The following KLHL12 variants were observed in gnomAD, a reference collection of about 807,000 sequenced individuals.
KLHL12 encodes the protein kelch like family member 12.
KLHL12 carries 17 observed loss-of-function variants against 60.8 expected under a neutral mutation model. The ratio of observed to expected loss-of-function variants is 0.28; its 90% CI spans 0.19 to 0.42. The LOEUF (loss-of-function observed/expected upper bound fraction) is 0.42, where lower values mean the gene tolerates loss of function less well. KLHL12 is among the 10% of genes least tolerant of loss of function. The pLI, the probability that KLHL12 is intolerant of heterozygous loss-of-function variation, is 1.00. For missense variants in KLHL12, 468 were observed against 722.3 expected, an observed-to-expected ratio of 0.65 and a Z score of 4.04; for synonymous variants, 220 against 250.9, an observed-to-expected ratio of 0.88 and a Z score of 1.16.
intron 4 of KLHL12, among the ~76,000 whole-genome samples, chr1:202,913,320 C>T (rs982199522): frequency 2.0e-5 from 3 of 152,158 alleles, no homozygotes; most frequent in African/African-American, 7.2e-5. Flanking sequence ...GCCCCTTCTA[C>T]CAGCCCCTAC....
At position 202,892,587 on chromosome 1, in the gene KLHL12, T is replaced by C. The variant is rs748386137; in HGVS notation, c.1653A>G (p.Thr551=). 6 of 1,614,098 alleles carry C rather than the reference T, an allele frequency of 3.7e-6. No homozygotes were observed. The highest frequency in any genetic ancestry group is 1.7e-6 in the Non-Finnish European group (2 of 1,179,992). The change falls in exon 12 of 12, where the codon ACA becomes ACG. Residue 551 remains threonine (T), a synonymous_variant. Coordinates refer to ENST00000367261, the MANE Select transcript of KLHL12 (RefSeq NM_021633.4). ...DPIIDSWEVV[T]SMGTQRCDAG... is the part of the protein sequence containing the mutation. ...CATCACAGCGCTGGGTTCCCATGGA[T>C]GTCACGACTTCCCAGCTGTCGATGA...
rs766665146 is a variant in KLHL12 at position 202,919,749 on chromosome 1, C to G, written c.349+6G>C. On this transcript the variant is annotated splice_donor_region_variant and intron_variant, in intron 3 of 11. Coordinates refer to ENST00000367261, the MANE Select transcript of KLHL12 (RefSeq NM_021633.4). ...CATAAACAATAGCAAGTTTTAATGT[C>G]TGTACCTTTCAACTGAAGCAGACAG... 11 of 1,609,894 alleles carry G rather than the reference C, an allele frequency of 6.8e-6. No homozygotes were observed. Among genetic ancestry groups the G allele is most frequent in the South Asian group, 2.2e-5 (2 of 89,944 alleles).
At chr1:202,920,369 ATTT>A (rs951695987) in intron 2 of KLHL12, among the ~76,000 whole-genome samples, 16 of 83,826 alleles carry the variant, frequency 1.9e-4, no homozygotes, top group African/African-American at 3.8e-4. Flanking sequence ...ATTTTGTTGG[ATTT>A]TTTTTTTTTT....
chr1:202,924,914 T>G lies in KLHL12; in HGVS notation c.195+54A>C, dbSNP rs1182788340. 1.9e-6 allele frequency: 3 copies of G among 1,565,622 alleles called. No homozygotes were observed. In the Admixed American group the frequency reaches 5.9e-5, roughly 31 times the overall value. On this transcript the variant is annotated intron_variant, in intron 2 of 11. Coordinates refer to ENST00000367261, the MANE Select transcript of KLHL12 (RefSeq NM_021633.4). Reference sequence around the variant, plus strand: ...CTTCCACTATTTTATTCAGTGAAATTAGACAACTAGAGTTCCACGGGTTTC... The same window carrying G: ...CTTCCACTATTTTATTCAGTGAAATGAGACAACTAGAGTTCCACGGGTTTC...
At chr1:202,921,761 A>G (rs1348086677) in intron 2 of KLHL12, among the ~76,000 whole-genome samples, 1 of 152,178 alleles carries the variant, frequency 6.6e-6, no homozygotes, top group East Asian at 1.9e-4. Context: ...AAATTTTACT[A>G]GATCTTAATC....
intron 5 of KLHL12, among the ~76,000 whole-genome samples, chr1:202,910,301 C>T (rs1660315692): frequency 6.6e-6 from 1 of 152,144 alleles, no homozygotes; most frequent in African/African-American, 2.4e-5. Flanking sequence ...TGCTCCTAAA[C>T]ACAATGTAAA....
chr1:202,919,783 AAGC>A lies in KLHL12; in HGVS notation c.318_320del (p.Leu107del). On this transcript the variant is annotated inframe_deletion, in exon 3 of 12. Transcript: ENST00000367261. Reference sequence around the variant, plus strand: ...TCAACTGAAGCAGACAGGCTGCAGGAAGCAGTTCTTGTACATTCTCCACTGTCA... The same window carrying A: ...TCAACTGAAGCAGACAGGCTGCAGGAAGTTCTTGTACATTCTCCACTGTCA... 1 of 1,612,850 alleles carries A rather than the reference AAGC, an allele frequency of 6.2e-7. No homozygotes were observed.
intron 6 of KLHL12, among the ~76,000 whole-genome samples, chr1:202,906,575 A>G (rs994011966): frequency 6.6e-6 from 1 of 151,788 alleles, no homozygotes; most frequent in South Asian, 2.1e-4. Context: ...ACAGAGATTG[A>G]TTGTATAACA....
At chr1:202,928,447 T>A (rs1016369493), upstream of KLHL12, 1 of 1,242,088 alleles carries the variant, frequency 8.1e-7, no homozygotes, top group Non-Finnish European at 1.1e-6. Context: ...ACGCTTAATA[T>A]GCCAAGCATC....
chr1:202,915,903 T>C (rs1162999834), intron 4 of KLHL12, among the ~76,000 whole-genome samples: 1 of 152,268 alleles, frequency 6.6e-6, no homozygotes, highest in African/African-American at 2.4e-5. Flanking sequence ...GGAAATGTTC[T>C]GGGCACACAG....
At chr1:202,897,014 A>T in intron 6 of KLHL12, 54 bp from the exon 7 acceptor site, 1 of 1,311,300 alleles carries the variant, frequency 7.6e-7, no homozygotes, top group Non-Finnish European at 1.1e-6. Context: ...TGGATGGGTA[A>T]CTAGTCACAG....
chr1:202,918,068 CA>C, intron 4 of KLHL12, 102 bp downstream of exon 4: 1 of 852,284 alleles, frequency 1.2e-6, no homozygotes, highest in Non-Finnish European at 1.9e-6. Flanking sequence ...AGCCAAAATG[CA>C]CACTTAATTA....
At chr1:202,892,959 T>C (rs1023213164) in intron 11 of KLHL12, among the ~76,000 whole-genome samples, 3 of 152,172 alleles carry the variant, frequency 2.0e-5, no homozygotes, top group Non-Finnish European at 4.4e-5. Context: ...GAAGGATTGC[T>C]TGAGCCCAGG....
intron 4 of KLHL12, among the ~76,000 whole-genome samples, chr1:202,913,157 A>T (rs752216707): frequency 1.2e-4 from 18 of 152,132 alleles, no homozygotes; most frequent in Non-Finnish European, 2.5e-4. Context: ...TATTTAATTA[A>T]TCATCTGGGG....
rs1659792705 is a variant in KLHL12 at position 202,895,148 on chromosome 1, T to G, written c.1135+374A>C. Among the ~76,000 whole-genome samples, 2 of 152,184 alleles carry G rather than the reference T, an allele frequency of 1.3e-5. No homozygotes were observed. Among genetic ancestry groups the G allele is most frequent in the Non-Finnish European group, 2.9e-5 (2 of 68,024 alleles). ...GGCTCACACCTGTAATCCCAGCACCTTGGGAGGCCGAGGTGGGTCAATCAC... is the reference window on the plus strand; with the variant it reads ...GGCTCACACCTGTAATCCCAGCACCGTGGGAGGCCGAGGTGGGTCAATCAC... On this transcript the variant is annotated intron_variant, in intron 8 of 11. Transcript: ENST00000367261. The surrounding 1 kb of genome is among the most constrained non-coding windows in gnomAD (Gnocchi z 4.2).
At chr1:202,901,020 T>G (rs1659990442) in intron 6 of KLHL12, among the ~76,000 whole-genome samples, 1 of 152,120 alleles carries the variant, frequency 6.6e-6, no homozygotes, top group African/African-American at 2.4e-5. Flanking sequence ...CACTCCAGCC[T>G]GGGTGACAAA....
At chr1:202,898,398 C>G (rs1659905989) in intron 6 of KLHL12, among the ~76,000 whole-genome samples, 1 of 152,204 alleles carries the variant, frequency 6.6e-6, no homozygotes, top group Admixed American at 6.5e-5. Context: ...ACAGGAAACA[C>G]AGATAAACCC....
chr1:202,911,925 G>C (rs559765383), intron 4 of KLHL12: 1 of 821,666 alleles, frequency 1.2e-6, no homozygotes, highest in African/African-American at 1.7e-5. Flanking sequence ...TTGAGCAATG[G>C]GGAATGCTCA....
At chr1:202,912,012 G>C (rs1660377617) in intron 4 of KLHL12, 11 of 788,878 alleles carry the variant, frequency 1.4e-5, no homozygotes, top group Admixed American at 5.1e-5. Context: ...CCATTGTGGA[G>C]GAGGTGGATG....
Sources: allele counts gnomAD v4.1 joint callset (sites outside exome capture counted in the v4.1 genomes callset), GRCh38; gene constraint gnomAD v4.1.1; non-coding constraint Gnocchi (gnomAD v3.1); transcripts MANE v1.5; gene names NCBI Gene and HGNC (gene_info 2026-07-23, HGNC 2026-07-21).